Variants in OPCML observed in about 807,000 individuals in gnomAD.
OPCML encodes the protein opioid-binding protein/cell adhesion molecule.
In OPCML, 13 loss-of-function variants were observed where a neutral mutation model predicts 37.8. That is an observed-to-expected ratio of 0.34 (90% CI 0.22 to 0.55). The LOEUF (loss-of-function observed/expected upper bound fraction) is 0.55, where lower values mean the gene tolerates loss of function less well. OPCML is among the 20% of genes least tolerant of loss of function. The probability of loss-of-function intolerance (pLI) is 0.91; values close to 1 mark genes in which losing one functional copy is unlikely to be tolerated. For synonymous variants in OPCML, 176 were observed against 168.8 expected, an observed-to-expected ratio of 1.04 and a Z score of -0.33; for missense variants, 341 against 435.6, an observed-to-expected ratio of 0.78 and a Z score of 1.93.
intron 1 of OPCML, chr11:133,298,240 G>A (rs1196712289): frequency 6.6e-6 from 1 of 152,026 alleles, no homozygotes; most frequent in Non-Finnish European, 1.5e-5. Flanking sequence ...CCCAGACACA[G>A]TATAAAGATA....
At chr11:132,516,325 A>G (rs576104584) in intron 4 of OPCML, among the ~76,000 whole-genome samples, 17 of 152,124 alleles carry the variant, frequency 1.1e-4, no homozygotes, top group African/African-American at 4.1e-4. Flanking sequence ...AACATCCTTC[A>G]CTCTGTACAT....
intron 2 of OPCML, among the ~76,000 whole-genome samples, chr11:132,754,673 G>A (rs1038518774): frequency 6.6e-6 from 1 of 152,094 alleles, no homozygotes; most frequent in Non-Finnish European, 1.5e-5. Context: ...GGGTGATAGG[G>A]GGACCACAGA....
chr11:133,303,917 C>A (rs1161745615), intron 1 of OPCML, among the ~76,000 whole-genome samples: 1 of 152,096 alleles, frequency 6.6e-6, no homozygotes, highest in Non-Finnish European at 1.5e-5. Context: ...AGAATGGAAG[C>A]CTGAAAACTA....
intron 1 of OPCML, among the ~76,000 whole-genome samples, chr11:133,223,440 T>A (rs1398504641): frequency 1.3e-5 from 2 of 152,180 alleles, no homozygotes; most frequent in Non-Finnish European, 2.9e-5. Flanking sequence ...TTCTTTTTCC[T>A]GTCCAAAGCC....
chr11:133,343,897 A>C (rs1442874165), intron 1 of OPCML, among the ~76,000 whole-genome samples: 1 of 152,212 alleles, frequency 6.6e-6, no homozygotes, highest in East Asian at 1.9e-4. Context: ...TTTTACTTTA[A>C]AAAAAGCGCT....
chr11:133,311,169 C>T (rs1592190258), intron 1 of OPCML, among the ~76,000 whole-genome samples: 1 of 152,192 alleles, frequency 6.6e-6, no homozygotes. Context: ...CATGCCAACA[C>T]TTCAGGGAAA....
intron 4 of OPCML, among the ~76,000 whole-genome samples, chr11:132,508,877 G>T (rs1214269691): frequency 6.6e-6 from 1 of 152,174 alleles, no homozygotes; most frequent in African/African-American, 2.4e-5. Flanking sequence ...GGTACCAGAA[G>T]TGGGATGCTG....
At chr11:132,920,941 T>C (rs902764957) in intron 2 of OPCML, among the ~76,000 whole-genome samples, 8 of 152,182 alleles carry the variant, frequency 5.3e-5, no homozygotes, top group African/African-American at 1.9e-4. Context: ...AGTCCCTTCC[T>C]GCACTCGGCT....
rs71038514 is a variant in OPCML at position 133,034,308 on chromosome 11, G to GGTGTGTGTGTGTGTGT, written c.62-91314_62-91299dup. On this transcript the variant is annotated intron_variant, in intron 1 of 7. Coordinates refer to ENST00000524381, the MANE Select transcript of OPCML (RefSeq NM_001012393.5). ...CCAGAAGAGTAGCTCTGTATGTATAGGTGTGTGTGTGTGTGTGTGTGTGTG... is the reference window on the plus strand; with the variant it reads ...CCAGAAGAGTAGCTCTGTATGTATAGGTGTGTGTGTGTGTGTGTGTGTGTGTGTGTGTGTGTGTGTG... 8.2e-3 allele frequency among the ~76,000 whole-genome samples: 1,182 copies of GGTGTGTGTGTGTGTGT among 143,500 alleles called. 7 individuals carry two copies. Among genetic ancestry groups the GGTGTGTGTGTGTGTGT allele is most frequent in the African/African-American group, 0.016 (625 of 38,114 alleles). 94.1% of individuals were successfully genotyped at this position (143,500 alleles called of 152,430 possible).
chr11:133,239,522 C>T (rs1055953512), intron 1 of OPCML, among the ~76,000 whole-genome samples: 2 of 152,234 alleles, frequency 1.3e-5, no homozygotes, highest in Non-Finnish European at 2.9e-5. Context: ...CAGCCCCAGC[C>T]TCAGGTGCAA....
At chr11:132,484,531 C>G (rs1433603969) in intron 4 of OPCML, among the ~76,000 whole-genome samples, 1 of 152,196 alleles carries the variant, frequency 6.6e-6, no homozygotes, top group East Asian at 1.9e-4. Flanking sequence ...GGATCTAGAA[C>G]TAGCAATACC....
At chr11:132,823,707 T>C (rs1251737877) in intron 2 of OPCML, among the ~76,000 whole-genome samples, 1 of 152,170 alleles carries the variant, frequency 6.6e-6, no homozygotes, top group Admixed American at 6.5e-5. Flanking sequence ...ATTCTATATA[T>C]GCTTTGTCTC....
chr11:133,219,293 C>T (rs1447120561), intron 1 of OPCML, among the ~76,000 whole-genome samples: 1 of 152,194 alleles, frequency 6.6e-6, no homozygotes, highest in Non-Finnish European at 1.5e-5. Context: ...TTGGTAGCAA[C>T]TTCATTACAA....
intron 4 of OPCML, among the ~76,000 whole-genome samples, chr11:132,459,508 AATAT>A (rs138266391): frequency 1.5e-4 from 22 of 145,344 alleles, no homozygotes; most frequent in African/African-American, 5.5e-4. Context: ...CTATATAGAG[AATAT>A]ATATATATAT....
intron 2 of OPCML, among the ~76,000 whole-genome samples, chr11:132,848,788 CACTTT>C (rs907958601): frequency 6.6e-6 from 1 of 152,204 alleles, no homozygotes; most frequent in Non-Finnish European, 1.5e-5. Flanking sequence ...CTGAGCAAAT[CACTTT>C]ACTTCTCTGC....
rs1453265381 is a variant in OPCML at position 132,675,521 on chromosome 11, A to G, written c.147-18202T>C. ...TATGTCTCTGCGAATGAAATATCTT[A>G]CATATAGAAAATCATAAGGATTCCA... On this transcript the variant is annotated intron_variant, in intron 2 of 7. Transcript: ENST00000524381. Among the ~76,000 whole-genome samples the G allele has an allele frequency of 4.6e-5, 7 of 152,124 alleles. No individual in the cohort carries two copies. The East Asian group carries it at 1.3e-3, about 29-fold the overall frequency.
At chr11:132,898,471 C>G (rs1943929914) in intron 2 of OPCML, among the ~76,000 whole-genome samples, 2 of 152,320 alleles carry the variant, frequency 1.3e-5, no homozygotes, top group African/African-American at 4.8e-5. Context: ...ATCCACTAAT[C>G]TTACCATGCG....
intron 7 of OPCML, among the ~76,000 whole-genome samples, chr11:132,425,157 G>A (rs573604817): frequency 1.6e-4 from 25 of 152,350 alleles, no homozygotes; most frequent in African/African-American, 5.8e-4. Flanking sequence ...ACTAGGCTCT[G>A]CTTTCACAAA....
intron 1 of OPCML, among the ~76,000 whole-genome samples, chr11:133,156,530 G>C (rs773036375): frequency 1.9e-4 from 29 of 152,264 alleles, no homozygotes; most frequent in Middle Eastern, 6.8e-3. Flanking sequence ...AGGCCTCTAG[G>C]CTGAGACTTT....
Sources: gnomAD v4.1 joint callset for allele counts (sites outside exome capture counted in the v4.1 genomes callset) on GRCh38, gnomAD v4.1.1 for gene constraint, MANE v1.5 for transcripts, NCBI Gene and HGNC (gene_info 2026-07-23, HGNC 2026-07-21) for gene names.